PIERCE1: variants seen among roughly 807,000 people sequenced by gnomAD.
PIERCE1 encodes the protein piercer of microtubule wall 1, also known as piercer of microtubule wall 1 protein.
At chr9:135,496,942 G>A in the PIERCE1 span, among the ~76,000 whole-genome samples, 8 of 152,010 alleles carry the variant, frequency 5.3e-5, no homozygotes, top group South Asian at 2.1e-4. Flanking sequence ...GATTACAGGC[G>A]CCCACCACTA....
the PIERCE1 span, chr9:135,499,826 C>A: frequency 1.9e-6 from 3 of 1,601,470 alleles, no homozygotes; most frequent in East Asian, 2.2e-5. Context: ...AGGCTCCGCG[C>A]ACGCTCTGGG....
chr9:135,495,445 C>T, the PIERCE1 span: 2 of 1,613,684 alleles, frequency 1.2e-6, no homozygotes, highest in Non-Finnish European at 1.7e-6. Flanking sequence ...AGATGGATGG[C>T]CTGTTGATGT....
the PIERCE1 span, among the ~76,000 whole-genome samples, chr9:135,495,959 C>A: frequency 6.6e-6 from 1 of 152,156 alleles, no homozygotes; most frequent in Admixed American, 6.5e-5. Context: ...AGCTGCCAGC[C>A]CTCTCTGAAC....
the PIERCE1 span, chr9:135,499,590 G>A: frequency 4.4e-6 from 6 of 1,366,310 alleles, no homozygotes; most frequent in East Asian, 1.5e-4. Context: ...GCGGGCCCCG[G>A]ATGACCACTC....
At chr9:135,499,691 G>T in the PIERCE1 span, 1 of 1,606,894 alleles carries the variant, frequency 6.2e-7, no homozygotes, top group East Asian at 2.2e-5. Flanking sequence ...AGGACCAGGC[G>T]GGCCCCAGCT....
the PIERCE1 span, among the ~76,000 whole-genome samples, chr9:135,497,375 T>C: frequency 1.3e-5 from 2 of 151,694 alleles, no homozygotes; most frequent in African/African-American, 4.8e-5. Context: ...GGACCCATGT[T>C]AGTGAGTGTG....
the PIERCE1 span, among the ~76,000 whole-genome samples, chr9:135,495,974 G>A: frequency 4.6e-5 from 7 of 152,304 alleles, no homozygotes; most frequent in East Asian, 1.4e-3. Flanking sequence ...CTGAACTTCA[G>A]TTTTCTCTTC....
the PIERCE1 span, among the ~76,000 whole-genome samples, chr9:135,496,112 C>T: frequency 6.6e-6 from 1 of 152,118 alleles, no homozygotes; most frequent in African/African-American, 2.4e-5. Context: ...GTCAGGAGTT[C>T]GAGACCAGCC....
chr9:135,499,584 G>A, the PIERCE1 span: 1 of 1,297,258 alleles, frequency 7.7e-7, no homozygotes, highest in Non-Finnish European at 1.1e-6. Flanking sequence ...GACAGCGCGG[G>A]CCCCGGATGA....
At chr9:135,499,565 G>T in the PIERCE1 span, 2 of 1,138,862 alleles carry the variant, frequency 1.8e-6, no homozygotes, top group Non-Finnish European at 2.6e-6. Context: ...CCGCTCACTG[G>T]CGGGCGATGA....
chr9:135,499,411 G>A, the PIERCE1 span: 1 of 648,794 alleles, frequency 1.5e-6, no homozygotes, highest in South Asian at 1.5e-5. Flanking sequence ...CCCCGCAGCG[G>A]AGTTTCAGGG....
the PIERCE1 span, chr9:135,499,484 TCCCCCCACGGCCCTG>T: frequency 1.4e-4 from 100 of 719,812 alleles, 1 homozygote; most frequent in South Asian, 1.2e-3. Context: ...CTGGGCTTTC[TCCCCCCACGGCCCTG>T]CCCCCCACTG....
the PIERCE1 span, chr9:135,499,685 C>G: frequency 6.2e-7 from 1 of 1,606,276 alleles, no homozygotes; most frequent in South Asian, 1.1e-5. Context: ...GACGCCAGGA[C>G]CAGGCGGGCC....
At chr9:135,499,835 G>A in the PIERCE1 span, 18 of 1,590,726 alleles carry the variant, frequency 1.1e-5, no homozygotes, top group African/African-American at 2.3e-4. Context: ...GCACGCTCTG[G>A]GGCATTCCTC....
At chr9:135,497,755 T>C in the PIERCE1 span, among the ~76,000 whole-genome samples, 1 of 152,138 alleles carries the variant, frequency 6.6e-6, no homozygotes, top group African/African-American at 2.4e-5. Context: ...AAATACCTGA[T>C]CCCCAGGGAA....
the PIERCE1 span, chr9:135,495,259 G>A: frequency 1.6e-6 from 1 of 619,742 alleles, no homozygotes; most frequent in Admixed American, 3.3e-5. Context: ...GAAATGGCAG[G>A]ACTTCACGGC....
the PIERCE1 span, chr9:135,495,314 G>A: frequency 1.0e-6 from 1 of 991,134 alleles, no homozygotes; most frequent in Non-Finnish European, 1.5e-6. Flanking sequence ...AATATTTTCA[G>A]GGAAGGCAGC....
At chr9:135,497,922 G>A in the PIERCE1 span, among the ~76,000 whole-genome samples, 31 of 152,258 alleles carry the variant, frequency 2.0e-4, no homozygotes, top group Middle Eastern at 3.4e-3. Context: ...ACGAAAATAC[G>A]TCCACAACAT....
At chr9:135,499,497 C>T in the PIERCE1 span, 2 of 744,004 alleles carry the variant, frequency 2.7e-6, no homozygotes, top group Non-Finnish European at 4.9e-6. Flanking sequence ...CCCCACGGCC[C>T]TGCCCCCCAC....
Sources: gnomAD v4.1 joint callset for allele counts (sites outside exome capture counted in the v4.1 genomes callset) on GRCh38, gnomAD v4.1.1 for gene constraint, MANE v1.5 for transcripts, NCBI Gene and HGNC (gene_info 2026-07-23, HGNC 2026-07-21) for gene names.